Variants in INO80D observed in about 807,000 individuals in gnomAD.
The protein encoded by INO80D is INO80 complex subunit D.
A neutral mutation model predicts 87.6 loss-of-function variants in INO80D; 21 were observed. The observed-to-expected ratio is 0.24, with a 90% CI of 0.17 to 0.35. The LOEUF (loss-of-function observed/expected upper bound fraction) is 0.35. Ranked by LOEUF, INO80D falls within the 10% of genes least tolerant of loss-of-function variation. INO80D has a pLI of 1.00. For synonymous variants in INO80D, 440 were observed against 491.0 expected, an observed-to-expected ratio of 0.90 and a Z score of 1.37; for missense variants, 982 against 1,280.7, an observed-to-expected ratio of 0.77 and a Z score of 3.56.
intron 1 of INO80D, among the ~76,000 whole-genome samples, chr2:206,064,952 C>T (rs1321358560): frequency 6.6e-6 from 1 of 151,840 alleles, no homozygotes; most frequent in Non-Finnish European, 1.5e-5. Context: ...CTCTTTTCAC[C>T]TTATGAGAAT....
chr2:206,030,277 A>G (rs1688726740), intron 5 of INO80D, among the ~76,000 whole-genome samples: 1 of 152,190 alleles, frequency 6.6e-6, no homozygotes, highest in Admixed American at 6.5e-5. Flanking sequence ...AGTTTGACCA[A>G]CAACGCAAAA....
chr2:206,019,699 C>T (rs1315697143), intron 7 of INO80D, 37 bp downstream of exon 7: 1 of 1,527,392 alleles, frequency 6.5e-7, no homozygotes, highest in Non-Finnish European at 9.0e-7. Flanking sequence ...TTAGGTAGTA[C>T]TTTTTCAATG....
intron 6 of INO80D, among the ~76,000 whole-genome samples, chr2:206,022,523 G>A (rs1218250940): frequency 6.6e-6 from 1 of 152,016 alleles, no homozygotes; most frequent in Non-Finnish European, 1.5e-5. Flanking sequence ...CCTTTGACAT[G>A]CCCTATTGCA....
intron 3 of INO80D, among the ~76,000 whole-genome samples, chr2:206,061,401 A>T (rs1415957636): frequency 1.3e-5 from 2 of 152,232 alleles, no homozygotes; most frequent in Non-Finnish European, 2.9e-5. Flanking sequence ...ATTTTAAGAC[A>T]AAATTTTAGA....
intron 5 of INO80D, among the ~76,000 whole-genome samples, chr2:206,039,476 G>A (rs1056793210): frequency 6.6e-6 from 1 of 152,072 alleles, no homozygotes; most frequent in African/African-American, 2.4e-5. Flanking sequence ...GGGCTTAGTG[G>A]CATGGTTCCA....
chr2:206,056,855 T>C lies in INO80D; in HGVS notation c.307A>G (p.Arg103Gly). ...KNDPIDEVKV[R>G]HQMDTMAFSL... ...AAGGCCATGGTATCCATCTGGTGCC[T>C]GACCTTCACCTCATCTATAGGATCA... Residue 103 changes from arginine to glycine, a missense_variant, in exon 4 of 11, where the codon AGG becomes GGG. Coordinates refer to ENST00000403263, the MANE Select transcript of INO80D (RefSeq NM_017759.5). 3 of 1,611,544 alleles carry C rather than the reference T, an allele frequency of 1.9e-6. No homozygotes were observed. Among genetic ancestry groups the C allele is most frequent in the Non-Finnish European group, 2.5e-6 (3 of 1,178,708 alleles).
At chr2:206,069,625 G>A (rs544919688) in intron 1 of INO80D, among the ~76,000 whole-genome samples, 1 of 152,256 alleles carries the variant, frequency 6.6e-6, no homozygotes, top group Admixed American at 6.5e-5. Context: ...TTGTTCAAGG[G>A]TCAACTGTAG....
intron 5 of INO80D, among the ~76,000 whole-genome samples, chr2:206,039,217 G>C (rs1380031124): frequency 6.6e-6 from 1 of 151,770 alleles, no homozygotes; most frequent in East Asian, 1.9e-4. Flanking sequence ...GACCAACATG[G>C]AAAAACCCCG....
intron 1 of INO80D, among the ~76,000 whole-genome samples, chr2:206,081,324 TA>T (rs1238384906): frequency 3.3e-4 from 51 of 152,358 alleles, no homozygotes; most frequent in African/African-American, 1.2e-3. Flanking sequence ...AAACAGTGGT[TA>T]TCCTTTGAGT....
At chr2:206,010,245 T>C (rs536457045) in intron 8 of INO80D, among the ~76,000 whole-genome samples, 1 of 151,012 alleles carries the variant, frequency 6.6e-6, no homozygotes, top group Non-Finnish European at 1.5e-5. Context: ...TATTCATTAC[T>C]GAAGAACCGA....
Position 206,019,723 on chromosome 2 carries a change from G to A in INO80D, c.1408+13C>T, listed in dbSNP as rs1260471610. On this transcript the variant is annotated intron_variant, in intron 7 of 10. Transcript: ENST00000403263. ...ACTTTTTCAATGCACATTCCATTTAGTTGAAAGGATACGTTGGAAACAATG... is the reference window on the plus strand; with the variant it reads ...ACTTTTTCAATGCACATTCCATTTAATTGAAAGGATACGTTGGAAACAATG... The A allele has an allele frequency of 6.2e-7, 1 of 1,600,864 alleles. No homozygotes were observed. The highest frequency in any genetic ancestry group is 8.6e-7 in the Non-Finnish European group (1 of 1,169,140).
rs185683595 is a variant in INO80D, at chr2:206,038,128, C to T, written c.1073+8376G>A. 2.7e-3 allele frequency among the ~76,000 whole-genome samples: 408 copies of T among 152,070 alleles called. 1 individual carries two copies. The highest frequency in any genetic ancestry group is 4.0e-3 in the Non-Finnish European group (270 of 67,988). On this transcript the variant is annotated intron_variant, in intron 5 of 10. Transcript: ENST00000403263. ...GGATAATGAGAAATTGGTTAACAGG[C>T]ACAATGTATGTCATTCATGTGATTG...
chr2:206,020,791 A>C (rs147594878), intron 6 of INO80D, among the ~76,000 whole-genome samples: 261 of 152,256 alleles, frequency 1.7e-3, no homozygotes, highest in African/African-American at 5.9e-3. Context: ...ATACGTATTC[A>C]TTTTATTAGT....
rs1215880996 is a variant in INO80D at position 205,994,106 on chromosome 2, A to G, written c.*10262T>C. 1 of 152,176 alleles carries G rather than the reference A, an allele frequency of 6.6e-6. No individual in the cohort carries two copies. The highest frequency in any genetic ancestry group is 6.5e-5 in the Admixed American group (1 of 15,278). The allele number at this position is 152,176 out of a possible 1,614,324, so 9.4% of individuals were successfully genotyped here. A position where few individuals can be genotyped will look rare whatever the true frequency, so the allele number is the denominator to read the frequency against. On this transcript the variant is annotated 3_prime_UTR_variant, in exon 11 of 11. Coordinates refer to ENST00000403263, the MANE Select transcript of INO80D (RefSeq NM_017759.5). ...AATGCCACAAGTATGCCTGTCCACC[A>G]GAACTGGGGGCTCTTACCAAAACCT...
Position 206,011,395 on chromosome 2 carries a change from T to C in INO80D, c.1543-1601A>G, listed in dbSNP as rs111873215. On this transcript the variant is annotated intron_variant, in intron 8 of 10. Coordinates refer to ENST00000403263, the MANE Select transcript of INO80D (RefSeq NM_017759.5). Reference sequence around the variant, plus strand: ...TGGCCTTGTGGCACTCTTGGTACTATGCCAGATACTTCACACAGAACAGCC... The same window carrying C: ...TGGCCTTGTGGCACTCTTGGTACTACGCCAGATACTTCACACAGAACAGCC... Among the ~76,000 whole-genome samples the C allele has an allele frequency of 9.5e-3, 1,442 of 152,348 alleles. 15 individuals carry two copies. The highest frequency in any genetic ancestry group is 0.02 in the Middle Eastern group (6 of 294).
At chr2:206,065,989 G>A (rs1689805988) in intron 1 of INO80D, among the ~76,000 whole-genome samples, 1 of 152,202 alleles carries the variant, frequency 6.6e-6, no homozygotes, top group South Asian at 2.1e-4. Context: ...GCCGGGCGCA[G>A]TGGCTCACGC....
chr2:206,011,189 G>A (rs559613778), intron 8 of INO80D, among the ~76,000 whole-genome samples: 5 of 152,038 alleles, frequency 3.3e-5, no homozygotes, highest in East Asian at 3.9e-4. Context: ...TGGTGAATGC[G>A]CAAGGGCCAG....
chr2:206,080,820 G>A (rs977163786), intron 1 of INO80D, among the ~76,000 whole-genome samples: 2 of 146,794 alleles, frequency 1.4e-5, no homozygotes, highest in East Asian at 4.0e-4. Context: ...GGAGAATGGC[G>A]TGAACCCGGG....
chr2:206,057,022 C>A, intron 3 of INO80D, 79 bp from the exon 4 acceptor site: 2 of 1,366,284 alleles, frequency 1.5e-6, no homozygotes, highest in Non-Finnish European at 2.0e-6. Context: ...ACATGAGAAT[C>A]CTAATGTTAA....
Sources: allele counts gnomAD v4.1 joint callset (sites outside exome capture counted in the v4.1 genomes callset), GRCh38; gene constraint gnomAD v4.1.1; transcripts MANE v1.5; gene names NCBI Gene and HGNC (gene_info 2026-07-23, HGNC 2026-07-21).